The following ASIC1 variants were observed in gnomAD, a reference collection of about 807,000 sequenced individuals.
The protein encoded by ASIC1 is acid sensing ion channel subunit 1.
In ASIC1, 21 loss-of-function variants were observed where a neutral mutation model predicts 63.4. That is an observed-to-expected ratio of 0.33 (90% CI 0.23 to 0.48). ASIC1 has a LOEUF of 0.48. ASIC1 is among the 20% of genes least tolerant of loss of function. The pLI is 0.99. For missense variants in ASIC1, 478 were observed against 695.5 expected (o/e 0.69, Z 3.52); for synonymous variants, 258 against 278.2 (o/e 0.93, Z 0.72).
Position 50,058,805 on chromosome 12 carries a change from C to A in ASIC1, c.39C>A (p.Val13=), listed in dbSNP as rs376322572. ...CCGAGGAGGAGGAGGTGGGTGGCGT[C>A]CAGCCGGTGAGCATCCAGGCCTTCG... ...LKAEEEEVGG[V]QPVSIQAFAS... The change falls in exon 2 of 12, where the codon GTC becomes GTA. Residue 13 remains valine (V), a synonymous_variant. Coordinates refer to ENST00000447966, the MANE Select transcript of ASIC1 (RefSeq NM_001095.4). 6.3e-7 allele frequency: 1 copy of A among 1,599,516 alleles called. No individual in the cohort carries two copies. Among genetic ancestry groups the A allele is most frequent in the African/African-American group, 1.3e-5 (1 of 74,850 alleles).
chr12:50,059,237 A>C lies in ASIC1; in HGVS notation c.362+109A>C, dbSNP rs970316311. 2.1e-6 allele frequency: 3 copies of C among 1,418,150 alleles called. No homozygotes were observed. The highest frequency in any genetic ancestry group is 2.5e-5 in the East Asian group (1 of 40,720). 87.8% of individuals were successfully genotyped at this position (1,418,150 alleles called of 1,614,324 possible). Reference sequence around the variant, plus strand: ...AGAGCCCAGCCAACCCTGCCCTTTAACCCACCCCCACCCCCAAACCTGCCA... The same window carrying C: ...AGAGCCCAGCCAACCCTGCCCTTTACCCCACCCCCACCCCCAAACCTGCCA... On this transcript the variant is annotated intron_variant, in intron 2 of 11. Coordinates refer to ENST00000447966, the MANE Select transcript of ASIC1 (RefSeq NM_001095.4). The surrounding 1 kb of genome is among the most constrained non-coding windows in gnomAD (Gnocchi z 4.6).
rs943402975 is a variant in ASIC1, at chr12:50,078,198, G to C, written c.837+71G>C. On this transcript the variant is annotated intron_variant, in intron 5 of 11. Transcript: ENST00000447966. The surrounding 1 kb of genome is among the most constrained non-coding windows in gnomAD (Gnocchi z 6.0). ...GTCCAGATGGAGTGGTGGGCAATCA[G>C]TAATGGGAAGGACAGGTGAGCAAGG... The C allele has an allele frequency of 1.9e-6, 3 of 1,563,754 alleles. No individual in the cohort carries two copies. The highest frequency in any genetic ancestry group is 2.7e-5 in the African/African-American group (2 of 73,234).
At chr12:50,067,664 C>T (rs994691958) in intron 3 of ASIC1, among the ~76,000 whole-genome samples, 9 of 152,220 alleles carry the variant, frequency 5.9e-5, no homozygotes, top group Non-Finnish European at 1.2e-4. Flanking sequence ...GGTGATCCGC[C>T]TGTCTCGGCC....
Position 50,059,870 on chromosome 12 carries a change from C to T in ASIC1, c.474C>T (p.Tyr158=), listed in dbSNP as rs757544506. The stretch of plus-strand genomic sequence containing the variant: ...AACCCTTCAACATGCGTGAGTTCTA[C>T]GACCGAGCTGGGCACGACATTCGAG... The part of the protein sequence containing the change: ...KPKPFNMREF[Y]DRAGHDIRDM... The change falls in exon 3 of 12, where the codon TAC becomes TAT. Residue 158 remains tyrosine (Y), a synonymous_variant. Coordinates refer to ENST00000447966, the MANE Select transcript of ASIC1 (RefSeq NM_001095.4). The surrounding 1 kb of genome is among the most constrained non-coding windows in gnomAD (Gnocchi z 4.6). The T allele has an allele frequency of 5.6e-6, 9 of 1,614,080 alleles. No individual in the cohort carries two copies. The highest frequency in any genetic ancestry group is 4.5e-5 in the East Asian group (2 of 44,902).
rs773582448 is a variant in ASIC1, at chr12:50,077,988, T to A, written c.710-12T>A. The A allele has an allele frequency of 3.7e-6, 6 of 1,605,064 alleles. No individual in the cohort carries two copies. In the South Asian group the frequency reaches 5.6e-5, roughly 15 times the overall value. ...GGAGCCCTCCCAACCCACACACTCCTCATTCCCCTAGACGAGACGTCCTTC... is the reference window on the plus strand; with the variant it reads ...GGAGCCCTCCCAACCCACACACTCCACATTCCCCTAGACGAGACGTCCTTC... On this transcript the variant is annotated splice_polypyrimidine_tract_variant and intron_variant, in intron 4 of 11. Transcript: ENST00000447966.
intron 3 of ASIC1, among the ~76,000 whole-genome samples, chr12:50,065,862 A>G (rs1950540538): frequency 6.6e-6 from 1 of 152,244 alleles, no homozygotes; most frequent in Non-Finnish European, 1.5e-5. Context: ...CAGGCTGAGA[A>G]CATCCCTGGG....
In ASIC1 at chr12:50,058,951, C is replaced by A; in HGVS notation, c.185C>A (p.Thr62Lys). The A allele has an allele frequency of 6.2e-7, 1 of 1,614,124 alleles. No individual in the cohort carries two copies. The highest frequency in any genetic ancestry group is 8.5e-7 in the Non-Finnish European group (1 of 1,179,992). ...GSLAVLLCVC[T>K]ERVQYYFHYH... ...CTGGCTGTGCTGCTGTGTGTGTGCA[C>A]GGAGCGTGTGCAGTACTACTTCCAC... is the stretch of plus-strand genomic sequence containing the variant. Residue 62 changes from threonine (T) to lysine (K), a missense_variant, in exon 2 of 12, where the codon ACG (threonine) becomes AAG (lysine). Around this residue, in one of 3 missense-constraint regions of ASIC1, gnomAD observed 290 missense variants for 414.9 expected, o/e 0.70. Transcript: ENST00000447966.
chr12:50,081,587 T>A lies in ASIC1; in HGVS notation c.1525T>A (p.Tyr509Asn), dbSNP rs775782624. ...SLRGHPAGMT[Y>N]AANILPHHPA... is the part of the protein sequence containing the mutation. ...TCGGGGCCACCCTGCCGGGATGACA[T>A]ACGCTGCCAACATCCTACCTCACCA... Residue 509 changes from tyrosine (Y) to asparagine (N), a missense_variant, in exon 12 of 12, where the codon TAC becomes AAC. Transcript: ENST00000447966. The A allele has an allele frequency of 6.2e-7, 1 of 1,614,120 alleles. No individual in the cohort carries two copies. Among genetic ancestry groups the A allele is most frequent in the Admixed American group, 1.7e-5 (1 of 60,026 alleles).
rs1950678288 is a variant in ASIC1 at position 50,078,252 on chromosome 12, G to A, written c.837+125G>A. 5 of 1,516,860 alleles carry A rather than the reference G, an allele frequency of 3.3e-6. No homozygotes were observed. Among genetic ancestry groups the A allele is most frequent in the Non-Finnish European group, 4.4e-6 (5 of 1,127,292 alleles). 94.0% of individuals were successfully genotyped at this position (1,516,860 alleles called of 1,614,324 possible). Reference sequence around the variant, plus strand: ...TGGGTGGTAATCTGGCTAGTCAGAAGCATGAGTGATCGAATGAACAAGAAT... The same window carrying A: ...TGGGTGGTAATCTGGCTAGTCAGAAACATGAGTGATCGAATGAACAAGAAT... On this transcript the variant is annotated intron_variant, in intron 5 of 11. Transcript: ENST00000447966. This position sits in a 1 kb window ranked among gnomAD's most constrained non-coding sequence, Gnocchi z 6.0.
chr12:50,081,084 T>C lies in ASIC1; in HGVS notation c.1298-18T>C. 1 of 1,571,162 alleles carries C rather than the reference T, an allele frequency of 6.4e-7. No individual in the cohort carries two copies. Among genetic ancestry groups the C allele is most frequent in the Non-Finnish European group, 8.6e-7 (1 of 1,158,636 alleles). ...GATGTCCTGACCCCACTGACCCCCC[T>C]GGCGCCTGCCCCCGCAGGTGACATC... On this transcript the variant is annotated intron_variant, in intron 9 of 11. Transcript: ENST00000447966.
At chr12:50,073,607 C>T in intron 3 of ASIC1, 1 of 1,532,856 alleles carries the variant, frequency 6.5e-7, no homozygotes, top group Non-Finnish European at 8.7e-7. Flanking sequence ...ATCTTCTGCT[C>T]CATGTCATTC....
intron 3 of ASIC1, among the ~76,000 whole-genome samples, chr12:50,065,420 C>G (rs116536162): frequency 1.9e-3 from 289 of 152,252 alleles, no homozygotes; most frequent in African/African-American, 6.5e-3. Context: ...GCTTCTAAGC[C>G]CAATCTCCTG....
chr12:50,077,157 T>G lies in ASIC1; in HGVS notation c.559-56T>G, dbSNP rs751972110. 32 of 1,608,170 alleles carry G rather than the reference T, an allele frequency of 2.0e-5. No individual in the cohort carries two copies. In the Middle Eastern group the frequency reaches 5.0e-4, roughly 25 times the overall value. The stretch of plus-strand genomic sequence containing the variant: ...CAGCTGGGGTGGCTAGGAACAGCCC[T>G]TGGTGAGTAGAGGGTGCTGGCAGGA... On this transcript the variant is annotated intron_variant, in intron 3 of 11. Transcript: ENST00000447966.
At chr12:50,076,909 A>G (rs1362052000) in intron 3 of ASIC1, 3 of 535,598 alleles carry the variant, frequency 5.6e-6, no homozygotes, top group African/African-American at 1.9e-5. Flanking sequence ...TCATACCCCA[A>G]TCTTTCCTCC....
chr12:50,081,706 GC>G lies in ASIC1; in HGVS notation c.*62del. ...TGGGGAGGACTAGGAGAGCGAGGGG[GC>G]CCCCAGCTGCCTCCTCACATCTGCC... On this transcript the variant is annotated 3_prime_UTR_variant, in exon 12 of 12. Transcript: ENST00000447966. The G allele has an allele frequency of 1.3e-6, 2 of 1,490,074 alleles. No individual in the cohort carries two copies. The allele number at this position is 1,490,074 out of a possible 1,614,324, so 92.3% of individuals were successfully genotyped here. A position where few individuals can be genotyped will look rare whatever the true frequency, so the allele number is the denominator to read the frequency against.
At chr12:50,079,549 G>A (rs567210050) in intron 7 of ASIC1, among the ~76,000 whole-genome samples, 48 of 152,320 alleles carry the variant, frequency 3.2e-4, no homozygotes, top group African/African-American at 1.1e-3. Context: ...AGGGTCCTGA[G>A]GAAGTGAGAT....
chr12:50,074,461 G>A lies in ASIC1; in HGVS notation c.559-2752G>A, dbSNP rs370863289. Among the ~76,000 whole-genome samples, 1 of 152,174 alleles carries A rather than the reference G, an allele frequency of 6.6e-6. No homozygotes were observed. Among genetic ancestry groups the A allele is most frequent in the East Asian group, 1.9e-4 (1 of 5,188 alleles). On this transcript the variant is annotated intron_variant, in intron 3 of 11. Coordinates refer to ENST00000447966, the MANE Select transcript of ASIC1 (RefSeq NM_001095.4). The surrounding 1 kb of genome is among the most constrained non-coding windows in gnomAD (Gnocchi z 4.2). ...GGTCCACACCAGTGCTGCTTTTCCT[G>A]TTAGAATCTTGAAACACGTCTGTCT...
At position 50,077,205 on chromosome 12, in the gene ASIC1, C is replaced by A; in HGVS notation, c.559-8C>A. 1.2e-6 allele frequency: 2 copies of A among 1,605,164 alleles called. No individual in the cohort carries two copies. Among genetic ancestry groups the A allele is most frequent in the Non-Finnish European group, 1.7e-6 (2 of 1,174,782 alleles). ...GGACTCTTAGGCTCTCCACTCTGCC[C>A]TCGCCAGGTCTTCACACGCTATGGA... On this transcript the variant is annotated splice_region_variant and splice_polypyrimidine_tract_variant and intron_variant, in intron 3 of 11. Coordinates refer to ENST00000447966, the MANE Select transcript of ASIC1 (RefSeq NM_001095.4).
rs183395256 is a variant in ASIC1 at position 50,073,970 on chromosome 12, C to T, written c.559-3243C>T. 881 of 1,535,854 alleles carry T rather than the reference C, an allele frequency of 5.7e-4. 10 individuals are homozygous for T. The highest frequency in any genetic ancestry group is 2.0e-3 in the South Asian group (170 of 84,048). ...ACCCTTCTAAACGAAGTGGCCACCACGGAGCTGGCCTTCCCGGCAGTCACC... is the reference window on the plus strand; with the variant it reads ...ACCCTTCTAAACGAAGTGGCCACCATGGAGCTGGCCTTCCCGGCAGTCACC... On this transcript the variant is annotated intron_variant, in intron 3 of 11. Transcript: ENST00000447966.
Sources: allele counts gnomAD v4.1 joint callset (sites outside exome capture counted in the v4.1 genomes callset), GRCh38; gene constraint gnomAD v4.1.1; regional missense constraint gnomAD v4.1.1; non-coding constraint Gnocchi (gnomAD v3.1); transcripts MANE v1.5; gene names NCBI Gene and HGNC (gene_info 2026-07-23, HGNC 2026-07-21).